The following PVR variants were observed in gnomAD, a reference collection of about 807,000 sequenced individuals.
PVR encodes poliovirus receptor.
PVR carries 39 observed loss-of-function variants against 43.3 expected under a neutral mutation model. The ratio of observed to expected loss-of-function variants is 0.90; its 90% confidence interval spans 0.70 to 1.18. The LOEUF is 1.18. Ranked by LOEUF, PVR falls within the 50% of genes most tolerant of loss-of-function variation. The pLI is 0.00. For missense variants in PVR, 480 were observed against 549.7 expected, an observed-to-expected ratio of 0.87 and a Z score of 1.27; for synonymous variants, 224 against 233.2, an observed-to-expected ratio of 0.96 and a Z score of 0.36.
At chr19:44,653,428 A>G (rs567644027) in intron 3 of PVR, among the ~76,000 whole-genome samples, 1 of 152,208 alleles carries the variant, frequency 6.6e-6, no homozygotes, top group South Asian at 2.1e-4. Flanking sequence ...CCCCCGAATA[A>G]AACCCTGTCC....
intron 3 of PVR, among the ~76,000 whole-genome samples, chr19:44,650,399 C>A (rs909580162): frequency 4.6e-5 from 7 of 152,080 alleles, no homozygotes; most frequent in African/African-American, 1.7e-4. Flanking sequence ...TCTGTTGACT[C>A]CCTTGAGCAC....
intron 2 of PVR, among the ~76,000 whole-genome samples, chr19:44,648,576 TC>T (rs1372507109): frequency 6.6e-6 from 1 of 152,000 alleles, no homozygotes; most frequent in Non-Finnish European, 1.5e-5. Flanking sequence ...AGCCTGGAAC[TC>T]CTGGGCTCAA....
intron 4 of PVR, 53 bp downstream of exon 4, chr19:44,654,070 G>A: frequency 7.1e-7 from 1 of 1,401,282 alleles, no homozygotes; most frequent in Non-Finnish European, 1.0e-6. Context: ...TTCTAGCACT[G>A]AGGGAGGAGG....
chr19:44,659,486 T>C lies in PVR; in HGVS notation c.1150+586T>C, dbSNP rs981452088. Among the ~76,000 whole-genome samples, 14 of 152,260 alleles carry C rather than the reference T, an allele frequency of 9.2e-5. No individual in the cohort carries two copies. The East Asian group carries it at 2.5e-3, about 27-fold the overall frequency. On this transcript the variant is annotated intron_variant, in intron 6 of 7. Transcript: ENST00000425690. ...TTTAATTTTTTTTATTATTTATGTA[T>C]TTATTTATTTATTTTTGAGACAGGC...
In PVR at chr19:44,658,862, C is replaced by T. The variant is rs775327647; in HGVS notation, c.1112C>T (p.Ser371Phe). The change falls in exon 6 of 8, where the codon TCC becomes TTC. Residue 371 changes from serine (S) to phenylalanine (F), a missense_variant. Physicochemically the swap from Ser to Phe is radical, Grantham distance 155 (BLOSUM62 -2). Transcript: ENST00000425690. The stretch of plus-strand genomic sequence containing the variant: ...ATTTATTTCTATTGGTCCAAATGTT[C>T]CCGTGAGGTCCTTTGGCACTGTCAT... ...IGIYFYWSKC[S>F]REVLWHCHLC... is the part of the protein sequence containing the mutation. The T allele has an allele frequency of 1.2e-6, 2 of 1,614,072 alleles. No homozygotes were observed. The highest frequency in any genetic ancestry group is 1.7e-6 in the Non-Finnish European group (2 of 1,180,012).
chr19:44,652,173 G>A (rs1973299594), intron 3 of PVR, among the ~76,000 whole-genome samples: 1 of 152,044 alleles, frequency 6.6e-6, no homozygotes, highest in African/African-American at 2.4e-5. Flanking sequence ...AGAAAAGAAA[G>A]AGATGAAATT....
At chr19:44,646,726 C>A (rs1419186652) in intron 1 of PVR, among the ~76,000 whole-genome samples, 1 of 151,910 alleles carries the variant, frequency 6.6e-6, no homozygotes, top group African/African-American at 2.4e-5. Context: ...GAGCAGAGAT[C>A]GCGCCACTGC....
intron 6 of PVR, among the ~76,000 whole-genome samples, chr19:44,659,772 A>G (rs1310640726): frequency 1.3e-5 from 2 of 152,126 alleles, no homozygotes; most frequent in Admixed American, 6.6e-5. Flanking sequence ...ATGAGCCACC[A>G]CACCTGGCCT....
intron 4 of PVR, among the ~76,000 whole-genome samples, chr19:44,655,232 A>G (rs999057554): frequency 2.6e-5 from 4 of 151,934 alleles, no homozygotes; most frequent in African/African-American, 9.7e-5. Context: ...CTACAGGCAC[A>G]CGCCACCACA....
Position 44,663,964 on chromosome 19 carries a change from A to G in PVR, c.*2153A>G, listed in dbSNP as rs1266320141. The stretch of plus-strand genomic sequence containing the variant: ...TACATAAACGTCCCAAAATTAGAAG[A>G]TAAAAAGACATGAGGGATCCATTCT... On this transcript the variant is annotated 3_prime_UTR_variant, in exon 8 of 8. Transcript: ENST00000425690. Among the ~76,000 whole-genome samples the G allele has an allele frequency of 2.0e-5, 3 of 152,118 alleles. No homozygotes were observed. The highest frequency in any genetic ancestry group is 1.3e-4 in the Admixed American group (2 of 15,264).
intron 4 of PVR, among the ~76,000 whole-genome samples, 190 bp from the exon 5 acceptor site, chr19:44,657,572 G>A (rs1032648496): frequency 1.8e-4 from 28 of 152,324 alleles, no homozygotes; most frequent in South Asian, 4.1e-4. Flanking sequence ...ATCTTAAGGC[G>A]GGGCCGACAT....
chr19:44,665,302 T>A lies in PVR; in HGVS notation c.*3491T>A, dbSNP rs1327346953. 1 of 152,108 alleles carries A rather than the reference T, an allele frequency of 6.6e-6. No individual in the cohort carries two copies. Among genetic ancestry groups the A allele is most frequent in the Non-Finnish European group, 1.5e-5 (1 of 68,010 alleles). The allele number at this position is 152,108 out of a possible 1,614,324, so 9.4% of individuals were successfully genotyped here. The stretch of plus-strand genomic sequence containing the variant: ...TGTGAGGTCCCAGAAGCCTCTGGGT[T>A]GCAGATTGCTTGGGGTGAAAATGTC... On this transcript the variant is annotated 3_prime_UTR_variant, in exon 8 of 8. Transcript: ENST00000425690.
chr19:44,664,025 C>T lies in PVR; in HGVS notation c.*2214C>T, dbSNP rs1973649945. On this transcript the variant is annotated 3_prime_UTR_variant, in exon 8 of 8. Transcript: ENST00000425690. Reference sequence around the variant, plus strand: ...TGGAGTGTAATGGTCCAGCTCCATTCTTCTGCACATGGATATCCAGTTTTA... The same window carrying T: ...TGGAGTGTAATGGTCCAGCTCCATTTTTCTGCACATGGATATCCAGTTTTA... The T allele has an allele frequency of 6.6e-6, 1 of 152,160 alleles. No homozygotes were observed. The highest frequency in any genetic ancestry group is 2.4e-5 in the African/African-American group (1 of 41,434). The allele number at this position is 152,160 out of a possible 1,614,324, so 9.4% of individuals were successfully genotyped here.
At chr19:44,648,576 T>A (rs1973193293) in intron 2 of PVR, among the ~76,000 whole-genome samples, 1 of 152,000 alleles carries the variant, frequency 6.6e-6, no homozygotes, top group Non-Finnish European at 1.5e-5. Context: ...AGCCTGGAAC[T>A]CCTGGGCTCA....
intron 4 of PVR, among the ~76,000 whole-genome samples, chr19:44,655,456 G>A (rs1973416438): frequency 7.0e-6 from 1 of 143,110 alleles, no homozygotes; most frequent in South Asian, 2.2e-4. Flanking sequence ...ATTTAGTTAT[G>A]AGCAAAAAGA....
At chr19:44,657,085 T>G (rs553191031) in intron 4 of PVR, among the ~76,000 whole-genome samples, 1 of 152,094 alleles carries the variant, frequency 6.6e-6, no homozygotes, top group Admixed American at 6.6e-5. Flanking sequence ...AGCAGAGGCC[T>G]GAAGGAGATG....
At position 44,647,349 on chromosome 19, in the gene PVR, A is replaced by C. The variant is rs539060105; in HGVS notation, c.206A>C (p.His69Pro). Residue 69 changes from histidine (H) to proline (P), a missense_variant, in exon 2 of 8, where the codon CAT (histidine) becomes CCT (proline). Transcript: ENST00000425690. ...THVSQLTWAR[H>P]GESGSMAVFH... ...GTGTCACAGCTGACTTGGGCGCGGC[A>C]TGGTGAATCTGGCAGCATGGCCGTC... is the stretch of plus-strand genomic sequence containing the variant. 5.0e-6 allele frequency: 8 copies of C among 1,613,588 alleles called. No homozygotes were observed. Among genetic ancestry groups the C allele is most frequent in the Non-Finnish European group, 6.8e-6 (8 of 1,179,896 alleles).
rs12976059 is a variant in PVR, at chr19:44,645,119, A to T, written c.79+944A>T. Reference sequence around the variant, plus strand: ...ATAATATATATTATAGTAATATATAATATATTATAATATATTATATATATT... The same window carrying T: ...ATAATATATATTATAGTAATATATATTATATTATAATATATTATATATATT... On this transcript the variant is annotated intron_variant, in intron 1 of 7. Coordinates refer to ENST00000425690, the MANE Select transcript of PVR (RefSeq NM_006505.5). Among the ~76,000 whole-genome samples the T allele has an allele frequency of 9.6e-4, 77 of 80,234 alleles. 7 individuals carry two copies. Among genetic ancestry groups the T allele is most frequent in the African/African-American group, 4.4e-3 (69 of 15,802 alleles). The allele number at this position is 80,234 out of a possible 152,430, so 52.6% of individuals were successfully genotyped here. A position where few individuals can be genotyped will look rare whatever the true frequency, so the allele number is the denominator to read the frequency against.
intron 6 of PVR, among the ~76,000 whole-genome samples, chr19:44,659,546 G>A (rs934758888): frequency 1.3e-5 from 2 of 152,052 alleles, no homozygotes; most frequent in Admixed American, 6.6e-5. Flanking sequence ...GCAGTGGTGC[G>A]ATCTCGGCTC....
Sources: allele counts gnomAD v4.1 joint callset (sites outside exome capture counted in the v4.1 genomes callset), GRCh38; gene constraint gnomAD v4.1.1; transcripts MANE v1.5; gene names NCBI Gene and HGNC (gene_info 2026-07-23, HGNC 2026-07-21).